The following UNC5C variants were observed in gnomAD, a reference collection of about 807,000 sequenced individuals.
The protein encoded by UNC5C is netrin receptor UNC5C.
A neutral mutation model predicts 99.8 loss-of-function variants in UNC5C; 47 were observed. The ratio of observed to expected loss-of-function variants is 0.47; its 90% CI spans 0.37 to 0.60. The LOEUF (loss-of-function observed/expected upper bound fraction) is 0.60, where lower values mean the gene tolerates loss of function less well. UNC5C is among the 20% of genes least tolerant of loss of function. The probability of loss-of-function intolerance (pLI) is 0.00; values close to 1 mark genes in which losing one functional copy is unlikely to be tolerated. For missense variants in UNC5C, 1,062 were observed against 1,165.9 expected (o/e 0.91, Z 1.30); for synonymous variants, 487 against 452.2 (o/e 1.08, Z -0.98).
chr4:95,219,076 T>G lies in UNC5C; in HGVS notation c.1538A>C (p.Glu513Ala), dbSNP rs762655060. 5 of 1,614,156 alleles carry G rather than the reference T, an allele frequency of 3.1e-6. No homozygotes were observed. The South Asian group carries it at 5.5e-5, about 18-fold the overall frequency. The change falls in exon 9 of 16, where the codon GAA becomes GCA. Residue 513 changes from glutamate to alanine, a missense_variant. Physicochemically the swap from Glu to Ala is moderately radical, Grantham distance 107 (BLOSUM62 -1). Transcript: ENST00000453304. ...ACTCTGGTTCTTCAGGCTGAGGGCT[T>G]CATTCTCCAACAACGACTGGGTCAT... is the stretch of plus-strand genomic sequence containing the variant. The part of the protein sequence containing the change: ...PQMTQSLLEN[E>A]ALSLKNQSLA...
chr4:95,499,859 C>T (rs1234962789), intron 1 of UNC5C, among the ~76,000 whole-genome samples: 1 of 152,072 alleles, frequency 6.6e-6, no homozygotes, highest in Non-Finnish European at 1.5e-5. Context: ...AAAGAACTGT[C>T]ATTCACTGTG....
rs1050990087 is a variant in UNC5C at position 95,327,516 on chromosome 4, T to C, written c.346+7894A>G. 2.0e-5 allele frequency among the ~76,000 whole-genome samples: 3 copies of C among 152,250 alleles called. No homozygotes were observed. In the East Asian group the frequency reaches 5.8e-4, roughly 30 times the overall value. On this transcript the variant is annotated intron_variant, in intron 2 of 15. Coordinates refer to ENST00000453304, the MANE Select transcript of UNC5C (RefSeq NM_003728.4). ...AAAAATTCCAATGCACATACAAATATACATGCATCCTCTTTCTTTATACAT... is the reference window on the plus strand; with the variant it reads ...AAAAATTCCAATGCACATACAAATACACATGCATCCTCTTTCTTTATACAT...
intron 1 of UNC5C, among the ~76,000 whole-genome samples, chr4:95,486,620 C>CGG (rs1721336112): frequency 1.3e-5 from 2 of 151,542 alleles, no homozygotes; most frequent in Non-Finnish European, 3.0e-5. Flanking sequence ...AAACTGCTAC[C>CGG]AGAGTTATTA....
In UNC5C at chr4:95,335,515, G is replaced by C. The variant is rs1243208629; in HGVS notation, c.241C>G (p.Leu81Val). 1 of 1,612,430 alleles carries C rather than the reference G, an allele frequency of 6.2e-7. No individual in the cohort carries two copies. Among genetic ancestry groups the C allele is most frequent in the South Asian group, 1.1e-5 (1 of 91,018 alleles). ...AYIVKNKPVN[L>V]YCKASPATQI... ...GTGGCAGGGCTTGCTTTACAGTACA[G>C]GTTCACGGGCTTATTCTTCACAATA... Residue 81 changes from leucine (L) to valine (V), a missense_variant, in exon 2 of 16, where the codon CTG becomes GTG. By Grantham distance (32) the Leu-to-Val change is conservative. Transcript: ENST00000453304.
chr4:95,277,805 G>A (rs965125037), intron 4 of UNC5C, among the ~76,000 whole-genome samples: 7 of 152,126 alleles, frequency 4.6e-5, no homozygotes, highest in Admixed American at 4.6e-4. Context: ...TGTGGGCATG[G>A]CTTTTAGGTA....
intron 1 of UNC5C, among the ~76,000 whole-genome samples, chr4:95,546,117 C>T (rs1213196731): frequency 6.6e-6 from 1 of 152,202 alleles, no homozygotes; most frequent in Non-Finnish European, 1.5e-5. Context: ...ATAAAAACCT[C>T]ATCCACATTG....
chr4:95,321,790 T>C (rs964560180), intron 2 of UNC5C, among the ~76,000 whole-genome samples: 3 of 152,200 alleles, frequency 2.0e-5, no homozygotes, highest in Admixed American at 2.0e-4. Context: ...ACAATTGATA[T>C]TCTGTTATGA....
chr4:95,526,468 T>C (rs1691548256), intron 1 of UNC5C, among the ~76,000 whole-genome samples: 1 of 152,094 alleles, frequency 6.6e-6, no homozygotes, highest in South Asian at 2.1e-4. Context: ...AAATAAATAT[T>C]CTTCCACACT....
At chr4:95,294,316 T>G (rs1197550018) in intron 3 of UNC5C, among the ~76,000 whole-genome samples, 4 of 152,178 alleles carry the variant, frequency 2.6e-5, no homozygotes, top group Non-Finnish European at 5.9e-5. Context: ...GTCACAAATG[T>G]AGTTATTCTC....
intron 2 of UNC5C, among the ~76,000 whole-genome samples, chr4:95,309,159 A>T (rs544427194): frequency 8.1e-4 from 123 of 152,308 alleles, no homozygotes; most frequent in Non-Finnish European, 1.6e-3. Flanking sequence ...TTTGACAGAG[A>T]TGCCAAGAAT....
At chr4:95,286,550 C>G (rs1217552578) in intron 3 of UNC5C, among the ~76,000 whole-genome samples, 7 of 152,184 alleles carry the variant, frequency 4.6e-5, no homozygotes, top group Admixed American at 4.6e-4. Flanking sequence ...CACAGAGTCC[C>G]AGAGCTCACT....
chr4:95,506,219 A>G (rs1721917356), intron 1 of UNC5C, among the ~76,000 whole-genome samples: 1 of 152,050 alleles, frequency 6.6e-6, no homozygotes. Context: ...TCAAAAGTAA[A>G]TTGGAAGTAA....
intron 1 of UNC5C, among the ~76,000 whole-genome samples, chr4:95,477,573 C>G (rs922369680): frequency 5.9e-5 from 9 of 152,010 alleles, no homozygotes; most frequent in Admixed American, 5.2e-4. Context: ...TAGAGCTCAG[C>G]AGCTCTGGAA....
At chr4:95,450,261 G>A (rs1747243805) in intron 1 of UNC5C, among the ~76,000 whole-genome samples, 2 of 152,180 alleles carry the variant, frequency 1.3e-5, no homozygotes, top group Non-Finnish European at 2.9e-5. Context: ...ACCTAGGCTA[G>A]AGTGCAGTAG....
At chr4:95,292,216 T>TATAC (rs1341039594) in intron 3 of UNC5C, among the ~76,000 whole-genome samples, 2 of 125,184 alleles carry the variant, frequency 1.6e-5, no homozygotes, top group East Asian at 5.1e-4. Flanking sequence ...TACATATATA[T>TATAC]ACACACACAC....
chr4:95,536,988 A>G (rs1237779711), intron 1 of UNC5C, among the ~76,000 whole-genome samples: 1 of 152,228 alleles, frequency 6.6e-6, no homozygotes, highest in Non-Finnish European at 1.5e-5. Flanking sequence ...TCTTGATTTT[A>G]TTAAGAAATG....
At chr4:95,478,473 C>T (rs1721030134) in intron 1 of UNC5C, among the ~76,000 whole-genome samples, 1 of 151,978 alleles carries the variant, frequency 6.6e-6, no homozygotes, top group South Asian at 2.1e-4. Context: ...AGGGCTGCTT[C>T]AAATTCACCA....
intron 1 of UNC5C, among the ~76,000 whole-genome samples, chr4:95,525,596 T>TAAAAAAAAAAAAAAAAAAAAA (rs574532435): frequency 2.9e-5 from 3 of 102,162 alleles, no homozygotes; most frequent in Non-Finnish European, 5.6e-5. Context: ...GCCTATTTCT[T>TAAAAAAAAAAAAAAAAAAAAA]AAAAAAAAAA....
intron 4 of UNC5C, among the ~76,000 whole-genome samples, chr4:95,258,746 CTTTTTTTTTTTTTT>C (rs775570031): frequency 2.6e-5 from 2 of 76,054 alleles, no homozygotes; most frequent in African/African-American, 4.3e-5. Context: ...CCATCTTATT[CTTTTTTTTTTTTTT>C]TTTTTTTTTT....
Sources: allele counts gnomAD v4.1 joint callset (sites outside exome capture counted in the v4.1 genomes callset), GRCh38; gene constraint gnomAD v4.1.1; transcripts MANE v1.5; gene names NCBI Gene and HGNC (gene_info 2026-07-23, HGNC 2026-07-21).